FRMD5: variants seen among roughly 807,000 people sequenced by gnomAD.
The protein encoded by FRMD5 is FERM domain containing 5.
Under a neutral mutation model 69.0 loss-of-function variants are expected in FRMD5, and 20 were observed. That is an observed-to-expected ratio of 0.29 (90% CI 0.20 to 0.42). The LOEUF (loss-of-function observed/expected upper bound fraction) is 0.42. FRMD5 is among the 10% of genes least tolerant of loss of function. The probability of loss-of-function intolerance (pLI) is 1.00; values close to 1 mark genes in which losing one functional copy is unlikely to be tolerated. For synonymous variants in FRMD5, 271 were observed against 260.1 expected (o/e 1.04, Z -0.40); for missense variants, 595 against 708.6 (o/e 0.84, Z 1.82).
At chr15:44,137,257 A>G (rs1178556335) in intron 1 of FRMD5, among the ~76,000 whole-genome samples, 1 of 152,260 alleles carries the variant, frequency 6.6e-6, no homozygotes, top group East Asian at 1.9e-4. Flanking sequence ...CAGTCCAGGA[A>G]TTCGGTAGCC....
chr15:43,897,215 T>C (rs1167360522), intron 7 of FRMD5, among the ~76,000 whole-genome samples: 1 of 151,964 alleles, frequency 6.6e-6, no homozygotes, highest in Non-Finnish European at 1.5e-5. Context: ...GTGCTGGGCA[T>C]GGTGGCTCAC....
At chr15:44,008,557 C>T (rs1318631145) in intron 1 of FRMD5, among the ~76,000 whole-genome samples, 2 of 152,068 alleles carry the variant, frequency 1.3e-5, no homozygotes, top group East Asian at 1.9e-4. Flanking sequence ...TGAACCACCG[C>T]GCCCGGCCAC....
intron 1 of FRMD5, among the ~76,000 whole-genome samples, chr15:43,962,697 T>C (rs369491174): frequency 1.3e-5 from 2 of 152,148 alleles, no homozygotes; most frequent in South Asian, 2.1e-4. Context: ...GGTACTGGTA[T>C]CAAAACAGAG....
chr15:44,140,891 A>G (rs931011443), intron 1 of FRMD5, among the ~76,000 whole-genome samples: 1 of 151,436 alleles, frequency 6.6e-6, no homozygotes, highest in African/African-American at 2.4e-5. Flanking sequence ...AAAAAAAAAA[A>G]AAAAAAAAAA....
At chr15:43,965,919 G>C (rs1386080515) in intron 1 of FRMD5, among the ~76,000 whole-genome samples, 1 of 152,036 alleles carries the variant, frequency 6.6e-6, no homozygotes, top group South Asian at 2.1e-4. Context: ...GCACATATGA[G>C]GGTAGTATTA....
At chr15:44,056,680 C>T (rs545379457) in intron 1 of FRMD5, among the ~76,000 whole-genome samples, 1 of 152,044 alleles carries the variant, frequency 6.6e-6, no homozygotes, top group South Asian at 2.1e-4. Context: ...CCTTCAAATA[C>T]ACTAGTTAAG....
At chr15:44,069,290 T>C (rs1248792456) in intron 1 of FRMD5, among the ~76,000 whole-genome samples, 1 of 152,134 alleles carries the variant, frequency 6.6e-6, no homozygotes, top group Non-Finnish European at 1.5e-5. Context: ...AATCTAAACA[T>C]GAAACTACCA....
intron 1 of FRMD5, among the ~76,000 whole-genome samples, chr15:44,012,019 G>A (rs1890743182): frequency 6.6e-6 from 1 of 152,136 alleles, no homozygotes; most frequent in Non-Finnish European, 1.5e-5. Flanking sequence ...TGTCTTTACT[G>A]CTTGACTCTT....
intron 1 of FRMD5, among the ~76,000 whole-genome samples, chr15:44,183,000 A>G (rs1387613064): frequency 2.0e-5 from 3 of 149,830 alleles, no homozygotes; most frequent in South Asian, 2.1e-4. Flanking sequence ...GGATTTCACC[A>G]TGTTAGCCAG....
At chr15:44,085,877 T>C (rs1301497758) in intron 1 of FRMD5, among the ~76,000 whole-genome samples, 1 of 152,072 alleles carries the variant, frequency 6.6e-6, no homozygotes, top group Non-Finnish European at 1.5e-5. Flanking sequence ...TTATCCTCTA[T>C]CTTATCAATA....
intron 1 of FRMD5, among the ~76,000 whole-genome samples, chr15:44,096,921 A>G (rs1252837494): frequency 6.6e-6 from 1 of 152,130 alleles, no homozygotes; most frequent in Admixed American, 6.6e-5. Flanking sequence ...ATGGTGAGTG[A>G]CCCTTGCCAT....
intron 1 of FRMD5, among the ~76,000 whole-genome samples, chr15:44,177,965 A>G (rs1246718858): frequency 1.3e-5 from 2 of 152,262 alleles, no homozygotes; most frequent in Non-Finnish European, 2.9e-5. Flanking sequence ...GTCAAAATTC[A>G]TAGAACTGTA....
intron 1 of FRMD5, among the ~76,000 whole-genome samples, chr15:43,963,008 T>C (rs560226022): frequency 1.2e-3 from 178 of 152,350 alleles, no homozygotes; most frequent in African/African-American, 4.2e-3. Flanking sequence ...AAGGACTTCA[T>C]GTCTAAAACA....
chr15:44,081,028 C>A (rs983733020), intron 1 of FRMD5, among the ~76,000 whole-genome samples: 2 of 152,010 alleles, frequency 1.3e-5, no homozygotes, highest in African/African-American at 4.8e-5. Flanking sequence ...ACCATACTCT[C>A]CTTGCATACC....
At chr15:43,983,892 G>A (rs1454591684) in intron 1 of FRMD5, among the ~76,000 whole-genome samples, 1 of 152,216 alleles carries the variant, frequency 6.6e-6, no homozygotes, top group African/African-American at 2.4e-5. Context: ...TAGAGAAAAT[G>A]TAAGGACAAT....
At chr15:43,889,674 G>A (rs537367977) in intron 8 of FRMD5, among the ~76,000 whole-genome samples, 4 of 152,266 alleles carry the variant, frequency 2.6e-5, no homozygotes, top group East Asian at 1.9e-4. Context: ...TTTGCAAAAC[G>A]GAAAAACTAC....
chr15:44,025,825 T>C (rs564933188), intron 1 of FRMD5, among the ~76,000 whole-genome samples: 5 of 152,324 alleles, frequency 3.3e-5, no homozygotes, highest in South Asian at 2.1e-4. Context: ...CTTACCGCCT[T>C]TCTGGGAATC....
intron 1 of FRMD5, among the ~76,000 whole-genome samples, chr15:43,932,806 G>A (rs76543985): frequency 1.3e-5 from 2 of 152,186 alleles, no homozygotes; most frequent in African/African-American, 4.8e-5. Flanking sequence ...AGAGGGATGG[G>A]CAAGTAGGGC....
At chr15:44,120,533 A>ATTCTTTTT (rs752188074) in intron 1 of FRMD5, among the ~76,000 whole-genome samples, 5 of 137,824 alleles carry the variant, frequency 3.6e-5, no homozygotes, top group African/African-American at 5.4e-5. Flanking sequence ...GGAAGAGTGG[A>ATTCTTTTT]TTTTTTTTTT....
Sources: allele counts gnomAD v4.1 joint callset (sites outside exome capture counted in the v4.1 genomes callset), GRCh38; gene constraint gnomAD v4.1.1; transcripts MANE v1.5; gene names NCBI Gene and HGNC (gene_info 2026-07-23, HGNC 2026-07-21).